The following RNF175 variants were observed in gnomAD, a reference collection of about 807,000 sequenced individuals.
The protein encoded by RNF175 is ring finger protein 175.
A neutral mutation model predicts 50.0 loss-of-function variants in RNF175; 38 were observed. The ratio of observed to expected loss-of-function variants is 0.76; its 90% CI spans 0.59 to 1.00. The LOEUF is 1.00. Ranked by LOEUF, RNF175 falls within the 50% of genes least tolerant of loss-of-function variation. The probability of loss-of-function intolerance (pLI) is 0.00; values close to 1 mark genes in which losing one functional copy is unlikely to be tolerated. For synonymous variants in RNF175, 155 were observed against 146.1 expected (o/e 1.06, Z -0.44); for missense variants, 388 against 409.6 (o/e 0.95, Z 0.46).
intron 3 of RNF175, chr4:153,729,896 C>A: frequency 4.8e-6 from 1 of 208,908 alleles, no homozygotes; most frequent in Non-Finnish European, 5.6e-6. Flanking sequence ...GGAAAAAAAT[C>A]CACTAATCTT....
In RNF175 at chr4:153,730,160, C is replaced by CA. The variant is rs1318215559; in HGVS notation, c.247-1800dup. ...TATTGACAGTAAAAGTATGCAGCAC[C>CA]ATGGCCTGGTGTGGTGGCTCATGCC... On this transcript the variant is annotated intron_variant, in intron 3 of 8. Transcript: ENST00000347063. Among the ~76,000 whole-genome samples, 4 of 152,268 alleles carry CA rather than the reference C, an allele frequency of 2.6e-5. No individual in the cohort carries two copies. The East Asian group carries it at 7.7e-4, about 29-fold the overall frequency.
At position 153,715,639 on chromosome 4, in the gene RNF175, A is replaced by G. The variant is rs748334907; in HGVS notation, c.654T>C (p.Pro218=). ...TIGFYSVSRL[P]TRSLSDNICA... Reference sequence around the variant, plus strand: ...AGATATTGTCCGATAAGCTCCTTGTAGGCAACCGGCTGACACTGTAGAACT... The same window carrying G: ...AGATATTGTCCGATAAGCTCCTTGTGGGCAACCGGCTGACACTGTAGAACT... The change falls in exon 7 of 9, where the codon CCT becomes CCC. Residue 218 remains proline, a synonymous_variant. Coordinates refer to ENST00000347063, the MANE Select transcript of RNF175 (RefSeq NM_173662.4). The G allele has an allele frequency of 6.2e-7, 1 of 1,613,830 alleles. No individual in the cohort carries two copies. Among genetic ancestry groups the G allele is most frequent in the Non-Finnish European group, 8.5e-7 (1 of 1,179,866 alleles).
At chr4:153,748,877 A>C in intron 2 of RNF175, 91 bp from the exon 3 acceptor site, 11 of 1,284,252 alleles carry the variant, frequency 8.6e-6, no homozygotes, top group Non-Finnish European at 1.2e-5. Flanking sequence ...AAAAACAAAA[A>C]ACAGGTTTGG....
At chr4:153,752,785 G>A (rs1740357494) in intron 1 of RNF175, among the ~76,000 whole-genome samples, 1 of 152,004 alleles carries the variant, frequency 6.6e-6, no homozygotes, top group African/African-American at 2.4e-5. Flanking sequence ...AAACTAATAA[G>A]CATATGTAAA....
At chr4:153,748,489 G>T in intron 3 of RNF175, 156 bp downstream of exon 3, 1 of 576,316 alleles carries the variant, frequency 1.7e-6, no homozygotes. Flanking sequence ...ATTGCCAAAT[G>T]TCTCCTGGGA....
chr4:153,726,884 G>A (rs1738730209), intron 4 of RNF175, among the ~76,000 whole-genome samples: 1 of 152,212 alleles, frequency 6.6e-6, no homozygotes. Context: ...GTGCAGGCAG[G>A]AAGAAGCTGA....
At position 153,710,353 on chromosome 4, in the gene RNF175, TC is replaced by T; in HGVS notation, c.*15del. ...GATTTCAACCATGCAGTATGTTGCT[TC>T]TGGGGTCTGCTGTCCTATTCCAGCC... On this transcript the variant is annotated 3_prime_UTR_variant, in exon 9 of 9. Coordinates refer to ENST00000347063, the MANE Select transcript of RNF175 (RefSeq NM_173662.4). 11 of 1,544,624 alleles carry T rather than the reference TC, an allele frequency of 7.1e-6. No homozygotes were observed. The highest frequency in any genetic ancestry group is 8.8e-6 in the Non-Finnish European group (10 of 1,141,740).
intron 3 of RNF175, among the ~76,000 whole-genome samples, chr4:153,740,466 A>G (rs1243515185): frequency 6.6e-6 from 1 of 152,188 alleles, no homozygotes; most frequent in Non-Finnish European, 1.5e-5. Flanking sequence ...GAACATTTAA[A>G]AATCCTCTCT....
At chr4:153,735,227 A>ATTTTTT (rs3068858) in intron 3 of RNF175, among the ~76,000 whole-genome samples, 1 of 141,088 alleles carries the variant, frequency 7.1e-6, no homozygotes, top group Admixed American at 7.1e-5. Flanking sequence ...GTCTGTGTCT[A>ATTTTTT]TTTTTTTTTT....
At chr4:153,759,318 G>A (rs1423541164) in intron 1 of RNF175, among the ~76,000 whole-genome samples, 2 of 152,182 alleles carry the variant, frequency 1.3e-5, no homozygotes, top group Admixed American at 6.5e-5. Context: ...CAGGCCCTCC[G>A]AGTGATTCTG....
intron 3 of RNF175, 196 bp downstream of exon 3, chr4:153,748,449 A>G: frequency 2.1e-6 from 1 of 470,674 alleles, no homozygotes; most frequent in South Asian, 4.2e-5. Flanking sequence ...CACCCCCCAC[A>G]AGTCTTGACA....
At chr4:153,737,998 A>G (rs1739437805) in intron 3 of RNF175, among the ~76,000 whole-genome samples, 1 of 152,208 alleles carries the variant, frequency 6.6e-6, no homozygotes, top group African/African-American at 2.4e-5. Context: ...ATGCATACAT[A>G]TTAAGAATTT....
intron 7 of RNF175, chr4:153,714,259 T>C (rs1441753613): frequency 1.3e-5 from 2 of 152,192 alleles, no homozygotes. Context: ...CTACAAAGAA[T>C]GAGTTTTTTG....
At chr4:153,745,132 C>A (rs558848566) in intron 3 of RNF175, among the ~76,000 whole-genome samples, 1 of 152,292 alleles carries the variant, frequency 6.6e-6, no homozygotes, top group African/African-American at 2.4e-5. Flanking sequence ...AACTGAGGAC[C>A]TTTTCCCTTT....
rs779151264 is a variant in RNF175 at position 153,715,567 on chromosome 4, C to T, written c.726G>A (p.Gly242=). The T allele has an allele frequency of 1.2e-6, 2 of 1,611,612 alleles. No homozygotes were observed. Among genetic ancestry groups the T allele is most frequent in the East Asian group, 2.2e-5 (1 of 44,838 alleles). Residue 242 remains glycine, a synonymous_variant, in exon 7 of 9, where the codon GGG becomes GGA. Coordinates refer to ENST00000347063, the MANE Select transcript of RNF175 (RefSeq NM_173662.4). ...QKIIVELDEE[G]LIENTYQLSC... is the part of the protein sequence containing the mutation. ...AAAGCTGGTAGGTGTTTTCAATGAG[C>T]CCTTCTTCATCAAGCTCCACAATGA...
intron 3 of RNF175, among the ~76,000 whole-genome samples, chr4:153,743,844 A>G (rs1434681581): frequency 6.6e-6 from 1 of 152,184 alleles, no homozygotes. Flanking sequence ...AGCAACAGGA[A>G]ACAACTCAGA....
intron 1 of RNF175, among the ~76,000 whole-genome samples, chr4:153,754,490 T>A (rs567980622): frequency 7.6e-4 from 116 of 152,138 alleles, no homozygotes; most frequent in African/African-American, 2.8e-3. Context: ...TCCTTGGGAG[T>A]CAGTGGGGTC....
intron 5 of RNF175, chr4:153,721,364 T>G (rs1371651181): frequency 6.6e-6 from 1 of 152,140 alleles, no homozygotes; most frequent in African/African-American, 2.4e-5. Flanking sequence ...TAAAACCTAT[T>G]TCTGTTTTCT....
intron 2 of RNF175, among the ~76,000 whole-genome samples, chr4:153,751,123 C>A (rs895571966): frequency 6.6e-6 from 1 of 152,194 alleles, no homozygotes; most frequent in Admixed American, 6.5e-5. Flanking sequence ...CAGTATGCAC[C>A]AGAACACAGG....
Sources: gnomAD v4.1 joint callset for allele counts (sites outside exome capture counted in the v4.1 genomes callset) on GRCh38, gnomAD v4.1.1 for gene constraint, MANE v1.5 for transcripts, NCBI Gene and HGNC (gene_info 2026-07-23, HGNC 2026-07-21) for gene names.